The following KCNIP4 variants were observed in gnomAD, a reference collection of about 807,000 sequenced individuals.
KCNIP4 encodes the protein Kv channel-interacting protein 4.
Under a neutral mutation model 34.0 loss-of-function variants are expected in KCNIP4, and 12 were observed. That is an observed-to-expected ratio of 0.35 (90% CI 0.23 to 0.57). KCNIP4 has a LOEUF of 0.57. Among genes scored for constraint, KCNIP4 ranks in the 20% least tolerant of loss-of-function variants. The probability of loss-of-function intolerance (pLI) is 0.83; values close to 1 mark genes in which losing one functional copy is unlikely to be tolerated. For missense variants in KCNIP4, 238 were observed against 311.7 expected (o/e 0.76, Z 1.78); for synonymous variants, 124 against 102.2 (o/e 1.21, Z -1.29).
At chr4:21,328,013 A>G (rs1010705560) in intron 1 of KCNIP4, among the ~76,000 whole-genome samples, 1 of 152,118 alleles carries the variant, frequency 6.6e-6, no homozygotes, top group Non-Finnish European at 1.5e-5. Flanking sequence ...TGAAATTGTC[A>G]TCTGAAAAGA....
At chr4:20,934,665 A>C (rs1160608920) in intron 1 of KCNIP4, among the ~76,000 whole-genome samples, 1 of 152,234 alleles carries the variant, frequency 6.6e-6, no homozygotes, top group Non-Finnish European at 1.5e-5. Flanking sequence ...TTCTATCATC[A>C]TGGAGCTTAA....
intron 3 of KCNIP4, among the ~76,000 whole-genome samples, chr4:20,814,493 G>A (rs538421673): frequency 1.1e-3 from 160 of 152,296 alleles, no homozygotes; most frequent in African/African-American, 3.6e-3. Flanking sequence ...GAAATTGTAT[G>A]AACTCAGGTG....
intron 1 of KCNIP4, among the ~76,000 whole-genome samples, chr4:21,667,143 GC>G (rs1422134944): frequency 2.0e-5 from 3 of 152,122 alleles, no homozygotes; most frequent in Non-Finnish European, 4.4e-5. Context: ...AAACAATTTT[GC>G]CCATGACATC....
intron 3 of KCNIP4, among the ~76,000 whole-genome samples, chr4:20,797,383 C>T (rs1033658811): frequency 1.3e-5 from 2 of 152,246 alleles, no homozygotes; most frequent in South Asian, 2.1e-4. Context: ...GAGTCTACTG[C>T]AACAGTCTTC....
At chr4:21,327,719 A>G (rs1212667132) in intron 1 of KCNIP4, among the ~76,000 whole-genome samples, 1 of 151,892 alleles carries the variant, frequency 6.6e-6, no homozygotes, top group Non-Finnish European at 1.5e-5. Context: ...TCACGTAGGC[A>G]TCCTTTGTTC....
chr4:21,771,799 G>A (rs1718812626), intron 1 of KCNIP4, among the ~76,000 whole-genome samples: 1 of 152,178 alleles, frequency 6.6e-6, no homozygotes. Context: ...CTTTGCTGAA[G>A]TTGCTTATCA....
At chr4:21,715,551 A>G (rs761639716) in intron 1 of KCNIP4, among the ~76,000 whole-genome samples, 34 of 152,286 alleles carry the variant, frequency 2.2e-4, no homozygotes, top group Non-Finnish European at 4.3e-4. Context: ...AATCCCTTCT[A>G]TGCCAGTTTT....
intron 1 of KCNIP4, chr4:21,697,501 T>TAATAAA: frequency 6.7e-7 from 1 of 1,502,168 alleles, no homozygotes; most frequent in Non-Finnish European, 8.8e-7. Context: ...ATAATAATAA[T>TAATAAA]AATAAAAAGA....
At chr4:21,605,943 T>C (rs1743614622) in intron 1 of KCNIP4, among the ~76,000 whole-genome samples, 1 of 152,104 alleles carries the variant, frequency 6.6e-6, no homozygotes, top group African/African-American at 2.4e-5. Context: ...AAAAAAACCA[T>C]CCTCTGTTGT....
chr4:21,498,262 C>CT lies in KCNIP4; in HGVS notation c.61+450308dup, dbSNP rs542064601. On this transcript the variant is annotated intron_variant, in intron 1 of 8. Coordinates refer to ENST00000382152, the MANE Select transcript of KCNIP4 (RefSeq NM_025221.6). ...AAAATTTTCGTTACCCACCAAGAAACTTTTTTCTTTTGGTTATTTAGAACT... is the reference window on the plus strand; with the variant it reads ...AAAATTTTCGTTACCCACCAAGAAACTTTTTTTCTTTTGGTTATTTAGAACT... Among the ~76,000 whole-genome samples, 185 of 152,138 alleles carry CT rather than the reference C, an allele frequency of 1.2e-3. 1 individual carries two copies. Among genetic ancestry groups the CT allele is most frequent in the Middle Eastern group, 6.8e-3 (2 of 294 alleles).
intron 1 of KCNIP4, among the ~76,000 whole-genome samples, chr4:21,647,332 C>T (rs1387910165): frequency 3.9e-5 from 6 of 152,162 alleles, no homozygotes; most frequent in South Asian, 4.1e-4. Flanking sequence ...TTCCTAATAG[C>T]GAACTTGTCA....
chr4:21,521,534 C>A (rs1462888425), intron 1 of KCNIP4, among the ~76,000 whole-genome samples: 1 of 152,096 alleles, frequency 6.6e-6, no homozygotes, highest in Admixed American at 6.6e-5. Flanking sequence ...ACTTGCCATG[C>A]CACTACTCCC....
intron 3 of KCNIP4, among the ~76,000 whole-genome samples, chr4:20,786,738 G>GA (rs1480638206): frequency 2.3e-4 from 35 of 151,778 alleles, no homozygotes; most frequent in Admixed American, 2.3e-3. Flanking sequence ...TCTTGCAAGT[G>GA]TTTTTTTTAG....
At chr4:21,836,747 T>C (rs969934676) in intron 1 of KCNIP4, among the ~76,000 whole-genome samples, 6 of 151,960 alleles carry the variant, frequency 3.9e-5, no homozygotes, top group Non-Finnish European at 5.9e-5. Context: ...CCAGCAAATG[T>C]CTCCTGGGTT....
At chr4:21,515,552 T>C (rs1292995018) in intron 1 of KCNIP4, among the ~76,000 whole-genome samples, 2 of 152,060 alleles carry the variant, frequency 1.3e-5, no homozygotes, top group East Asian at 1.9e-4. Flanking sequence ...GGCAGGAGAA[T>C]GGCGTGAATC....
intron 3 of KCNIP4, among the ~76,000 whole-genome samples, chr4:20,848,440 A>G (rs2149480388): frequency 6.6e-6 from 1 of 151,986 alleles, no homozygotes; most frequent in African/African-American, 2.4e-5. Flanking sequence ...GAGTTTGGGA[A>G]AATGGGGGAA....
chr4:21,123,281 T>A (rs185014767), intron 1 of KCNIP4, among the ~76,000 whole-genome samples: 63 of 152,324 alleles, frequency 4.1e-4, no homozygotes, highest in African/African-American at 1.5e-3. Context: ...TTATATTTAT[T>A]GAATGCCTGT....
chr4:21,111,337 G>A (rs1749148445), intron 1 of KCNIP4, among the ~76,000 whole-genome samples: 1 of 152,136 alleles, frequency 6.6e-6, no homozygotes, highest in African/African-American at 2.4e-5. Context: ...ATGTTTATCT[G>A]CACTTTACCC....
intron 1 of KCNIP4, among the ~76,000 whole-genome samples, chr4:20,923,844 T>G (rs1729645601): frequency 6.6e-6 from 1 of 152,102 alleles, no homozygotes; most frequent in African/African-American, 2.4e-5. Context: ...CACTCCACTT[T>G]AACATTGCAT....
Sources: allele counts gnomAD v4.1 joint callset (sites outside exome capture counted in the v4.1 genomes callset), GRCh38; gene constraint gnomAD v4.1.1; transcripts MANE v1.5; gene names NCBI Gene and HGNC (gene_info 2026-07-23, HGNC 2026-07-21).